Variants in MDFIC2 observed in about 807,000 individuals in gnomAD.
MDFIC2 encodes the protein myoD family inhibitor domain-containing protein 2.
intron 2 of MDFIC2, among the ~76,000 whole-genome samples, chr3:70,252,994 C>T (rs75392473): frequency 1.3e-5 from 2 of 152,090 alleles, no homozygotes; most frequent in Admixed American, 1.3e-4. Context: ...GCAAGAGAAT[C>T]GCTTGAACCC....
intron 3 of MDFIC2, among the ~76,000 whole-genome samples, chr3:70,202,111 G>A (rs1038875363): frequency 2.0e-5 from 3 of 152,052 alleles, no homozygotes; most frequent in Non-Finnish European, 4.4e-5. Context: ...TCTAATAGTG[G>A]TTAGTGACTA....
chr3:70,276,507 A>C (rs1702028052), intron 2 of MDFIC2, among the ~76,000 whole-genome samples: 1 of 152,204 alleles, frequency 6.6e-6, no homozygotes, highest in African/African-American at 2.4e-5. Context: ...ACGAAATTTT[A>C]AGAATTATGA....
intron 3 of MDFIC2, among the ~76,000 whole-genome samples, chr3:70,203,216 G>A (rs758676185): frequency 2.6e-5 from 4 of 152,034 alleles, no homozygotes; most frequent in Non-Finnish European, 4.4e-5. Flanking sequence ...CCCCAAGCCA[G>A]TATTTTAATA....
At chr3:70,247,501 A>T (rs964371200) in intron 2 of MDFIC2, among the ~76,000 whole-genome samples, 38 of 151,688 alleles carry the variant, frequency 2.5e-4, no homozygotes, top group African/African-American at 8.4e-4. Context: ...TTAGTTGAAA[A>T]TTTTCTAGAG....
At chr3:70,239,488 A>T (rs918961711) in intron 2 of MDFIC2, among the ~76,000 whole-genome samples, 2 of 151,668 alleles carry the variant, frequency 1.3e-5, no homozygotes, top group African/African-American at 2.4e-5. Flanking sequence ...TGGTTTGATC[A>T]TTATTGTTTT....
rs201506183 is a variant in MDFIC2 at position 70,242,950 on chromosome 3, TA to T, written c.89-36161del. 2.2e-4 allele frequency among the ~76,000 whole-genome samples: 34 copies of T among 152,264 alleles called. 1 individual carries two copies. The East Asian group carries it at 5.6e-3, about 25-fold the overall frequency. On this transcript the variant is annotated intron_variant, in intron 2 of 3. Transcript: ENST00000567252. ...AAAAACAACCATCAAAAAAAGACTT[TA>T]AAAAAATTGCCCCAGGCCTAACCTA... is the stretch of plus-strand genomic sequence containing the variant.
chr3:70,284,646 C>A (rs1159009051), intron 2 of MDFIC2, among the ~76,000 whole-genome samples: 1 of 152,114 alleles, frequency 6.6e-6, no homozygotes, highest in Non-Finnish European at 1.5e-5. Flanking sequence ...AACACAGGAA[C>A]AGAAAACTAA....
At chr3:70,306,492 C>A (rs1271738503) in intron 2 of MDFIC2, among the ~76,000 whole-genome samples, 1 of 152,174 alleles carries the variant, frequency 6.6e-6, no homozygotes, top group Admixed American at 6.6e-5. Flanking sequence ...TTCAAAATAA[C>A]TACAGAACTC....
At chr3:70,245,671 T>TA (rs1326051204) in intron 2 of MDFIC2, among the ~76,000 whole-genome samples, 1 of 57,222 alleles carries the variant, frequency 1.7e-5, no homozygotes, top group Non-Finnish European at 3.4e-5. Context: ...GCAAACTGCT[T>TA]TATATATATA....
chr3:70,241,626 C>G (rs187499185), intron 2 of MDFIC2, among the ~76,000 whole-genome samples: 1 of 152,098 alleles, frequency 6.6e-6, no homozygotes, highest in East Asian at 1.9e-4. Flanking sequence ...AGTACCTGAC[C>G]CAAGTTCACA....
intron 2 of MDFIC2, among the ~76,000 whole-genome samples, chr3:70,305,770 T>C (rs1702394055): frequency 6.6e-6 from 1 of 152,218 alleles, no homozygotes; most frequent in Admixed American, 6.6e-5. Flanking sequence ...GTCCAGTGAA[T>C]TTATGAATGT....
At chr3:70,213,192 A>G (rs901116917) in intron 2 of MDFIC2, among the ~76,000 whole-genome samples, 1 of 151,926 alleles carries the variant, frequency 6.6e-6, no homozygotes, top group African/African-American at 2.4e-5. Flanking sequence ...AGGCTGGACT[A>G]GAGCTCCTGG....
chr3:70,197,616 TTG>T (rs1279724491), intron 3 of MDFIC2, among the ~76,000 whole-genome samples: 2 of 152,212 alleles, frequency 1.3e-5, no homozygotes, highest in African/African-American at 4.8e-5. Context: ...GCCCTGTTTC[TTG>T]TCACTAGGCT....
chr3:70,199,174 G>C (rs1368626150), intron 3 of MDFIC2, among the ~76,000 whole-genome samples: 1 of 152,136 alleles, frequency 6.6e-6, no homozygotes, highest in Non-Finnish European at 1.5e-5. Flanking sequence ...TTGCTTTGGA[G>C]TTAAGTAGGG....
intron 2 of MDFIC2, among the ~76,000 whole-genome samples, chr3:70,304,037 C>G (rs1430325592): frequency 6.6e-6 from 1 of 152,100 alleles, no homozygotes; most frequent in African/African-American, 2.4e-5. Flanking sequence ...ACAATATAAA[C>G]TATATCTTTA....
chr3:70,279,064 C>T (rs1030611553), intron 2 of MDFIC2, among the ~76,000 whole-genome samples: 35 of 150,070 alleles, frequency 2.3e-4, no homozygotes, highest in Non-Finnish European at 4.4e-4. Context: ...CCTTTCCTAA[C>T]ATCTTCTCAT....
chr3:70,199,728 G>C (rs1701218439), intron 3 of MDFIC2, among the ~76,000 whole-genome samples: 1 of 152,146 alleles, frequency 6.6e-6, no homozygotes, highest in South Asian at 2.1e-4. Flanking sequence ...ATTTCCTCTT[G>C]TCCTGAATGA....
intron 2 of MDFIC2, among the ~76,000 whole-genome samples, chr3:70,288,038 T>A (rs1393680810): frequency 6.6e-6 from 1 of 150,802 alleles, no homozygotes; most frequent in Non-Finnish European, 1.5e-5. Context: ...TTTTGAAGGG[T>A]TTTTTGTGTC....
intron 2 of MDFIC2, among the ~76,000 whole-genome samples, chr3:70,267,969 G>A (rs1701936106): frequency 8.1e-6 from 1 of 122,866 alleles, no homozygotes; most frequent in African/African-American, 3.2e-5. Flanking sequence ...CTTTCCTTTC[G>A]CCTCCCCTTT....
Sources: gnomAD v4.1 joint callset for allele counts (sites outside exome capture counted in the v4.1 genomes callset) on GRCh38, gnomAD v4.1.1 for gene constraint, MANE v1.5 for transcripts, NCBI Gene and HGNC (gene_info 2026-07-23, HGNC 2026-07-21) for gene names.